Variants in PTPRD observed in about 807,000 individuals in gnomAD.
The protein encoded by PTPRD is receptor-type tyrosine-protein phosphatase delta.
A neutral mutation model predicts 214.5 loss-of-function variants in PTPRD; 34 were observed. The observed-to-expected ratio is 0.16, with a 90% CI of 0.12 to 0.21. The LOEUF (loss-of-function observed/expected upper bound fraction) is 0.21. Ranked by LOEUF, PTPRD falls within the 10% of genes least tolerant of loss-of-function variation. PTPRD has a pLI of 1.00. For missense variants in PTPRD, 2,545 were observed against 2,398.7 expected (o/e 1.06, Z -1.27); for synonymous variants, 1,128 against 845.7 (o/e 1.33, Z -5.79).
chr9:10,229,879 G>GA (rs2099602777), intron 3 of PTPRD, among the ~76,000 whole-genome samples: 1 of 151,522 alleles, frequency 6.6e-6, no homozygotes, highest in Non-Finnish European at 1.5e-5. Flanking sequence ...AACAAAACAA[G>GA]AAAAAAAGAA....
chr9:10,217,513 A>G (rs1169911923), intron 3 of PTPRD, among the ~76,000 whole-genome samples: 1 of 151,928 alleles, frequency 6.6e-6, no homozygotes, highest in African/African-American at 2.4e-5. Flanking sequence ...AAAATTGATC[A>G]CAGCATTCTT....
chr9:8,731,562 G>T (rs1299458783), intron 12 of PTPRD, among the ~76,000 whole-genome samples: 1 of 152,120 alleles, frequency 6.6e-6, no homozygotes, highest in Non-Finnish European at 1.5e-5. Flanking sequence ...TTCAGTGTTT[G>T]AAGAAAAGGT....
intron 2 of PTPRD, among the ~76,000 whole-genome samples, chr9:10,577,915 CTTT>C (rs148884393): frequency 0.29 from 41,008 of 142,940 alleles, 5,812 homozygotes; most frequent in East Asian, 0.44. Flanking sequence ...AAGTTATTTC[CTTT>C]TTTTTTTTTT....
At chr9:9,357,667 A>C (rs912963129) in intron 9 of PTPRD, among the ~76,000 whole-genome samples, 4 of 151,220 alleles carry the variant, frequency 2.6e-5, no homozygotes, top group African/African-American at 7.2e-5. Flanking sequence ...AAGGTACCAC[A>C]ATAAAATTAT....
intron 3 of PTPRD, among the ~76,000 whole-genome samples, chr9:10,083,707 A>AT (rs1337936337): frequency 6.6e-6 from 1 of 151,968 alleles, no homozygotes; most frequent in South Asian, 2.1e-4. Flanking sequence ...GTGGAAGATA[A>AT]TTTTTTCTAT....
At chr9:8,813,092 C>T (rs370493078) in intron 11 of PTPRD, among the ~76,000 whole-genome samples, 5 of 152,196 alleles carry the variant, frequency 3.3e-5, no homozygotes, top group East Asian at 1.9e-4. Flanking sequence ...AGGGCGCTAT[C>T]GGTGGAAAAG....
intron 7 of PTPRD, among the ~76,000 whole-genome samples, chr9:9,641,096 A>G (rs2154365950): frequency 1.1e-5 from 1 of 91,678 alleles, no homozygotes; most frequent in South Asian, 4.0e-4. Context: ...AGCTTTAAAT[A>G]GCTCAATGGA....
chr9:9,303,122 G>C (rs564990046), intron 9 of PTPRD, among the ~76,000 whole-genome samples: 2 of 151,950 alleles, frequency 1.3e-5, no homozygotes, highest in Non-Finnish European at 2.9e-5. Flanking sequence ...CAATGAGGGA[G>C]ATAATTTGGA....
chr9:10,396,203 A>G (rs1296628399), intron 2 of PTPRD, among the ~76,000 whole-genome samples: 2 of 151,982 alleles, frequency 1.3e-5, no homozygotes, highest in Non-Finnish European at 2.9e-5. Context: ...ATTTTAGTTG[A>G]AACTAATGTG....
intron 14 of PTPRD, among the ~76,000 whole-genome samples, chr9:8,586,723 C>T (rs986066457): frequency 1.3e-5 from 2 of 152,218 alleles, no homozygotes; most frequent in Non-Finnish European, 2.9e-5. Flanking sequence ...TTGCTACCCA[C>T]ACATTTGCCA....
intron 3 of PTPRD, among the ~76,000 whole-genome samples, chr9:10,137,429 T>C (rs1303281596): frequency 3.9e-5 from 1 of 25,608 alleles, no homozygotes; most frequent in African/African-American, 1.8e-4. Context: ...GAAACCATCA[T>C]TCTCAGTAAA....
At chr9:9,320,811 G>C (rs932351707) in intron 9 of PTPRD, among the ~76,000 whole-genome samples, 1 of 152,166 alleles carries the variant, frequency 6.6e-6, no homozygotes, top group Non-Finnish European at 1.5e-5. Context: ...TTTGGGAGGA[G>C]TAATGGGAGG....
At chr9:9,509,804 A>T (rs2096657000) in intron 8 of PTPRD, among the ~76,000 whole-genome samples, 1 of 12,818 alleles carries the variant, frequency 7.8e-5, no homozygotes, top group Non-Finnish European at 1.3e-4. Context: ...CTTTTTATTT[A>T]AAAAAAAAAC....
intron 12 of PTPRD, among the ~76,000 whole-genome samples, chr9:8,637,729 A>C (rs2154329900): frequency 6.6e-6 from 1 of 152,362 alleles, no homozygotes; most frequent in South Asian, 2.1e-4. Flanking sequence ...TGTTTGGCAA[A>C]AGAGTATAAG....
At chr9:9,999,749 A>G (rs1487036448) in intron 4 of PTPRD, among the ~76,000 whole-genome samples, 1 of 152,182 alleles carries the variant, frequency 6.6e-6, no homozygotes, top group Non-Finnish European at 1.5e-5. Context: ...AGATTTCGTC[A>G]AGGTTGTTTT....
At chr9:8,561,627 G>A (rs73412724) in intron 14 of PTPRD, among the ~76,000 whole-genome samples, 132 of 152,206 alleles carry the variant, frequency 8.7e-4, no homozygotes, top group African/African-American at 3.1e-3. Flanking sequence ...GAGAGTGGAG[G>A]GCACATCACC....
intron 3 of PTPRD, among the ~76,000 whole-genome samples, chr9:10,181,249 G>A (rs956676928): frequency 1.3e-5 from 2 of 152,032 alleles, no homozygotes; most frequent in Non-Finnish European, 2.9e-5. Context: ...ACCAGAAAAT[G>A]TAAGATATCA....
At chr9:8,948,661 C>T (rs111587015) in intron 11 of PTPRD, among the ~76,000 whole-genome samples, 77 of 138,904 alleles carry the variant, frequency 5.5e-4, no homozygotes, top group African/African-American at 2.0e-3. Context: ...AGAATACCTC[C>T]GTAGTGATAC....
At chr9:9,736,136 C>T (rs1400436568) in intron 6 of PTPRD, among the ~76,000 whole-genome samples, 1 of 152,084 alleles carries the variant, frequency 6.6e-6, no homozygotes, top group East Asian at 1.9e-4. Context: ...AGGGACAACA[C>T]CTTGAACATA....
Sources: allele counts gnomAD v4.1 joint callset (sites outside exome capture counted in the v4.1 genomes callset), GRCh38; gene constraint gnomAD v4.1.1; transcripts MANE v1.5; gene names NCBI Gene and HGNC (gene_info 2026-07-23, HGNC 2026-07-21).